The following HUWE1 variants were observed in gnomAD, a reference collection of about 807,000 sequenced individuals.
The protein encoded by HUWE1 is E3 ubiquitin-protein ligase HUWE1.
In HUWE1, 18 loss-of-function variants were observed where a neutral mutation model predicts 299.4. The observed-to-expected ratio is 0.06, with a 90% CI of 0.04 to 0.09. HUWE1 has a LOEUF of 0.09. HUWE1 is among the 10% of genes least tolerant of loss of function. HUWE1 has a pLI of 1.00. For missense variants in HUWE1, 1,832 were observed against 3,462.3 expected (o/e 0.53, Z 11.82); for synonymous variants, 1,317 against 1,286.1 (o/e 1.02, Z -0.51).
chrX:53,559,303 A>G (rs782785390), intron 57 of HUWE1, 51 bp downstream of exon 57: 2 of 1,157,754 alleles, frequency 1.7e-6, no homozygotes, highest in Non-Finnish European at 2.4e-6. Context: ...CTCAGCAGGG[A>G]AAAAGTAGAA....
chrX:53,547,817 C>A lies in HUWE1; in HGVS notation c.10492G>T (p.Ala3498Ser), dbSNP rs782773400. 1 of 1,196,514 alleles carries A rather than the reference C, an allele frequency of 8.4e-7. No homozygotes were observed. The highest frequency in any genetic ancestry group is 1.8e-5 in the South Asian group (1 of 55,168). The change falls in exon 68 of 84, where the codon GCC (alanine) becomes TCC (serine). Residue 3498 changes from alanine (A) to serine (S), a missense_variant. This residue lies in a region of HUWE1 where 119 missense variants were observed against 124.6 expected (regional missense o/e 0.96). Transcript: ENST00000262854. ...STTSTTTTTA[A>S]STTPTPPTAP... ...GTAGGGGGTGTGGGCGTGGTGGAGG[C>A]GGCAGTGGTGGTGGTGGTAGATGTG...
In HUWE1 at chrX:53,532,707, C is replaced by A. The variant is rs12836234; in HGVS notation, c.*602G>T. On this transcript the variant is annotated 3_prime_UTR_variant, in exon 84 of 84. Transcript: ENST00000262854. ...GGCAGGGATGGTTTCCTGGAGAATC[C>A]ATCTTTTCTCCAGATGCCTAGCATG... The A allele has an allele frequency of 0.11, 11,521 of 109,313 alleles. 605 individuals carry two copies. Among genetic ancestry groups the A allele is most frequent in the Non-Finnish European group, 0.15 (7,950 of 52,465 alleles). 9.0% of individuals were successfully genotyped at this position (109,313 alleles called of 1,213,427 possible). A position where few individuals can be genotyped will look rare whatever the true frequency, so the allele number is the denominator to read the frequency against.
At chrX:53,670,144 T>C (rs1295114644) in intron 3 of HUWE1, among the ~76,000 whole-genome samples, 5 of 111,729 alleles carry the variant, frequency 4.5e-5, no homozygotes, top group Non-Finnish European at 9.4e-5. Flanking sequence ...TGTCAGAAAG[T>C]AGTAACTACG....
At chrX:53,595,583 C>G (rs899870648) in intron 29 of HUWE1, among the ~76,000 whole-genome samples, 180 bp from the exon 30 acceptor site, 14 of 111,822 alleles carry the variant, frequency 1.3e-4, no homozygotes, top group Middle Eastern at 4.6e-3. Flanking sequence ...GAACAAATGC[C>G]ACTTTTGACG....
chrX:53,664,900 T>C (rs2069174624), intron 3 of HUWE1, among the ~76,000 whole-genome samples: 1 of 111,676 alleles, frequency 9.0e-6, no homozygotes, highest in African/African-American at 3.3e-5. Flanking sequence ...CTATCTAGTT[T>C]CTGATTATCT....
In HUWE1 at chrX:53,559,002, G is replaced by A. The variant is rs782340936; in HGVS notation, c.7974C>T (p.Leu2658=). 38 of 1,177,652 alleles carry A rather than the reference G, an allele frequency of 3.2e-5. No homozygotes were observed. The South Asian group carries it at 5.6e-4, about 17-fold the overall frequency. ...CACAGTCATGCATGCTCTCAGCATC[G>A]AGAACTTTGCATTCTTCTGTCCAGC... ...LTRWTEECKV[L]DAESMHDCVS... The change falls in exon 58 of 84, where the codon CTC becomes CTT. Residue 2658 remains leucine (L), a synonymous_variant. Coordinates refer to ENST00000262854, the MANE Select transcript of HUWE1 (RefSeq NM_031407.7).
rs1437890588 is a variant in HUWE1 at position 53,532,246 on chromosome X, T to C, written c.*1063A>G. Reference sequence around the variant, plus strand: ...ATCTGTGAACAGACTGGCAGACAGATGACGAGAGAGGGAGTGACGACAACA... The same window carrying C: ...ATCTGTGAACAGACTGGCAGACAGACGACGAGAGAGGGAGTGACGACAACA... On this transcript the variant is annotated 3_prime_UTR_variant, in exon 84 of 84. Transcript: ENST00000262854. 8.9e-6 allele frequency: 1 copy of C among 111,788 alleles called. No homozygotes were observed. Among genetic ancestry groups the C allele is most frequent in the Admixed American group, 9.5e-5 (1 of 10,504 alleles). The allele number at this position is 111,788 out of a possible 1,213,427, so 9.2% of individuals were successfully genotyped here.
At chrX:53,549,635 G>A (rs2061682182) in intron 66 of HUWE1, 130 bp from the exon 67 acceptor site, 1 of 556,092 alleles carries the variant, frequency 1.8e-6, no homozygotes, top group Non-Finnish European at 3.1e-6. Context: ...TCCAGTCCAA[G>A]GGCTCTTCAT....
intron 21 of HUWE1, among the ~76,000 whole-genome samples, chrX:53,616,136 C>A (rs1390665694): frequency 9.1e-6 from 1 of 110,111 alleles, no homozygotes; most frequent in Non-Finnish European, 1.9e-5. Flanking sequence ...GTCTCAAACT[C>A]CTGAGCTCAA....
intron 15 of HUWE1, 40 bp from the exon 16 acceptor site, chrX:53,627,919 A>T: frequency 8.5e-7 from 1 of 1,176,922 alleles, no homozygotes; most frequent in Non-Finnish European, 1.2e-6. Context: ...TGAACTATAA[A>T]GACACAAAGT....
intron 20 of HUWE1, 34 bp from the exon 21 acceptor site, chrX:53,617,181 T>TA: frequency 8.6e-7 from 1 of 1,166,713 alleles, no homozygotes; most frequent in Non-Finnish European, 1.2e-6. Flanking sequence ...TGAATGCATC[T>TA]AAAAGAGTGT....
At chrX:53,585,519 G>T (rs888507806) in intron 39 of HUWE1, among the ~76,000 whole-genome samples, 23 of 111,220 alleles carry the variant, frequency 2.1e-4, no homozygotes, top group African/African-American at 7.2e-4. Flanking sequence ...ATTATCCACG[G>T]ACTGGGTTAG....
intron 4 of HUWE1, among the ~76,000 whole-genome samples, chrX:53,649,503 A>C (rs1285049630): frequency 8.9e-6 from 1 of 112,127 alleles, no homozygotes. Flanking sequence ...GGGTTTCTTT[A>C]AGCTAAGTCC....
chrX:53,635,005 C>A (rs898854785), intron 7 of HUWE1, among the ~76,000 whole-genome samples: 1 of 110,956 alleles, frequency 9.0e-6, no homozygotes, highest in African/African-American at 3.3e-5. Context: ...ATTTTTAAAT[C>A]ATTCATAATT....
chrX:53,551,057 T>C lies in HUWE1; in HGVS notation c.9229A>G (p.Met3077Val). Residue 3077 changes from methionine (M) to valine (V), a missense_variant, in exon 65 of 84, where the codon ATG (methionine) becomes GTG (valine). Physicochemically the swap from Met to Val is conservative, Grantham distance 21. This residue lies in a region of HUWE1 where 91 missense variants were observed against 281.2 expected (regional missense o/e 0.32). Transcript: ENST00000262854. Reference protein sequence around the residue: ...SDLRRSVLEDMEDSVLAVMPP... With the variant: ...SDLRRSVLEDVEDSVLAVMPP... ...ATCACAGCTAACACACTGTCCTCCA[T>C]ATCCTCTAGGACACTACGGCGCAGG... 8.3e-7 allele frequency: 1 copy of C among 1,211,404 alleles called. No homozygotes were observed. Among genetic ancestry groups the C allele is most frequent in the Non-Finnish European group, 1.1e-6 (1 of 895,199 alleles).
rs1001251623 is a variant in HUWE1 at position 53,603,481 on chromosome X, G to A, written c.2763C>T (p.Ser921=). 1.7e-6 allele frequency: 2 copies of A among 1,207,504 alleles called. No individual in the cohort carries two copies. The highest frequency in any genetic ancestry group is 1.8e-5 in the African/African-American group (1 of 56,903). Residue 921 remains serine (S), a synonymous_variant, in exon 27 of 84, where the codon TCC becomes TCT. Coordinates refer to ENST00000262854, the MANE Select transcript of HUWE1 (RefSeq NM_031407.7). ...CCAATTGAGAGCCCCACTGGTTTACGGAGATGGAACGAATTTCACTCTGCA... is the reference window on the plus strand; with the variant it reads ...CCAATTGAGAGCCCCACTGGTTTACAGAGATGGAACGAATTTCACTCTGCA... The part of the protein sequence containing the change: ...RVGQSEIRSI[S]VNQWGSQLGL...
Position 53,625,448 on chromosome X carries a change from T to C in HUWE1, c.1490-190A>G. ...GAAATTGGAAAAATTACTAATACTT[T>C]TAATTTTACCAATACTAAAAGTCTA... On this transcript the variant is annotated intron_variant, in intron 17 of 83. Coordinates refer to ENST00000262854, the MANE Select transcript of HUWE1 (RefSeq NM_031407.7). 4 of 381,266 alleles carry C rather than the reference T, an allele frequency of 1.0e-5. 1 individual carries two copies. The highest frequency in any genetic ancestry group is 1.8e-5 in the Non-Finnish European group (4 of 216,672). 31.4% of individuals were successfully genotyped at this position (381,266 alleles called of 1,213,427 possible).
intron 3 of HUWE1, among the ~76,000 whole-genome samples, chrX:53,654,766 C>T (rs1205392509): frequency 2.7e-5 from 3 of 112,216 alleles, no homozygotes; most frequent in African/African-American, 9.7e-5. Context: ...CGGTATAAAA[C>T]TTATGTCTAA....
intron 2 of HUWE1, among the ~76,000 whole-genome samples, chrX:53,682,859 AGGGGGAGGAAT>A (rs1161453767): frequency 9.0e-6 from 1 of 111,316 alleles, no homozygotes; most frequent in Non-Finnish European, 1.9e-5. Flanking sequence ...CAGCCTTCTG[AGGGGGAGGAAT>A]GAGGAAGGCA....
Sources: allele counts gnomAD v4.1 joint callset (sites outside exome capture counted in the v4.1 genomes callset), GRCh38; gene constraint gnomAD v4.1.1; regional missense constraint gnomAD v4.1.1; transcripts MANE v1.5; gene names NCBI Gene and HGNC (gene_info 2026-07-23, HGNC 2026-07-21).